The following KIAA1549L variants were observed in gnomAD, a reference collection of about 807,000 sequenced individuals.
The protein encoded by KIAA1549L is KIAA1549 like.
In KIAA1549L, 88 loss-of-function variants were observed where a neutral mutation model predicts 160.7. The ratio of observed to expected loss-of-function variants is 0.55; its 90% confidence interval spans 0.46 to 0.65. The LOEUF (loss-of-function observed/expected upper bound fraction) is 0.65, where lower values mean the gene tolerates loss of function less well. KIAA1549L is among the 30% of genes least tolerant of loss of function. The pLI is 0.00. For missense variants in KIAA1549L, 2,258 were observed against 2,437.5 expected (o/e 0.93, Z 1.55); for synonymous variants, 950 against 976.7 (o/e 0.97, Z 0.51).
intron 1 of KIAA1549L, among the ~76,000 whole-genome samples, chr11:33,489,641 C>A (rs566163138): frequency 6.6e-6 from 1 of 152,188 alleles, no homozygotes; most frequent in Non-Finnish European, 1.5e-5. Flanking sequence ...TCCAAAGGCA[C>A]CCTGGACATC....
chr11:33,436,410 A>G (rs2761195), intron 1 of KIAA1549L, among the ~76,000 whole-genome samples: 25,678 of 152,208 alleles, frequency 0.17, 2,630 homozygotes, highest in East Asian at 0.32. Context: ...AGGCAGTCAG[A>G]GAGAAAGAAG....
chr11:33,666,161 G>A (rs1224193484), intron 20 of KIAA1549L, among the ~76,000 whole-genome samples: 1 of 151,848 alleles, frequency 6.6e-6, no homozygotes, highest in African/African-American at 2.4e-5. Flanking sequence ...CACCCAGGAG[G>A]GCAGGGCTCC....
chr11:33,618,600 G>C lies in KIAA1549L; in HGVS notation c.5347G>C (p.Glu1783Gln). 3 of 1,610,232 alleles carry C rather than the reference G, an allele frequency of 1.9e-6. No individual in the cohort carries two copies. Among genetic ancestry groups the C allele is most frequent in the Non-Finnish European group, 2.5e-6 (3 of 1,177,804 alleles). The change falls in exon 16 of 21, where the codon GAG becomes CAG. Residue 1783 changes from glutamate to glutamine, a missense_variant. Glu to Gln is a conservative substitution (Grantham distance 29). Coordinates refer to ENST00000658780, the MANE Select transcript of KIAA1549L (RefSeq NM_012194.3). Reference protein sequence around the residue: ...SLNSPSPGETEMDLLVTRERP... With the variant: ...SLNSPSPGETQMDLLVTRERP... Reference sequence around the variant, plus strand: ...GAACAGCCCGAGTCCAGGGGAAACCGAGATGGACCTTCTGGTGACTCGGGA... The same window carrying C: ...GAACAGCCCGAGTCCAGGGGAAACCCAGATGGACCTTCTGGTGACTCGGGA...
chr11:33,473,161 C>T (rs540489693), intron 1 of KIAA1549L, among the ~76,000 whole-genome samples: 1 of 152,272 alleles, frequency 6.6e-6, no homozygotes, highest in African/African-American at 2.4e-5. Context: ...TCATGTTAAT[C>T]CATCAAATAG....
chr11:33,594,880 A>G (rs554272295), intron 12 of KIAA1549L, among the ~76,000 whole-genome samples: 16 of 152,362 alleles, frequency 1.1e-4, no homozygotes, highest in Admixed American at 7.2e-4. Flanking sequence ...ACCTACAGCT[A>G]TTATTCTCAT....
At chr11:33,389,422 GTTAAGAAGTCTTTGTT>G (rs1275744567) in intron 1 of KIAA1549L, among the ~76,000 whole-genome samples, 1 of 152,206 alleles carries the variant, frequency 6.6e-6, no homozygotes, top group African/African-American at 2.4e-5. Context: ...TTCATTGTCC[GTTAAGAAGTCTTTGTT>G]TTGAAAAGAA....
chr11:33,497,256 A>G (rs911429859), intron 1 of KIAA1549L, among the ~76,000 whole-genome samples: 2 of 152,224 alleles, frequency 1.3e-5, no homozygotes, highest in African/African-American at 4.8e-5. Flanking sequence ...AGTATTTAAG[A>G]TACTTTCCAG....
chr11:33,601,890 A>G (rs1277597948), intron 13 of KIAA1549L, among the ~76,000 whole-genome samples: 2 of 152,224 alleles, frequency 1.3e-5, no homozygotes, highest in African/African-American at 2.4e-5. Context: ...AGTCTGTTTC[A>G]TAATGATGCT....
At chr11:33,552,694 A>G (rs757417819) in intron 6 of KIAA1549L, among the ~76,000 whole-genome samples, 2,672 of 106,772 alleles carry the variant, frequency 0.025, 44 homozygotes, top group East Asian at 0.055. Context: ...ACACACACAC[A>G]CACACACACA....
intron 12 of KIAA1549L, 29 bp from the exon 13 acceptor site, chr11:33,598,791 G>A (rs1032938865): frequency 5.6e-6 from 9 of 1,612,976 alleles, no homozygotes; most frequent in African/African-American, 4.0e-5. Flanking sequence ...GAAACTTACC[G>A]TCTCCCCTGT....
Position 33,667,253 on chromosome 11 carries a change from A to G in KIAA1549L, c.6160-620A>G, listed in dbSNP as rs890104961. Among the ~76,000 whole-genome samples, 5 of 152,186 alleles carry G rather than the reference A, an allele frequency of 3.3e-5. No individual in the cohort carries two copies. The East Asian group carries it at 7.7e-4, about 23-fold the overall frequency. On this transcript the variant is annotated intron_variant, in intron 20 of 20. Transcript: ENST00000658780. ...GCCAGGTAGATTCAAATATAGACTC[A>G]GATATATATTCCTAAGGTTTTTCAG...
intron 1 of KIAA1549L, among the ~76,000 whole-genome samples, chr11:33,474,614 G>A (rs1456195317): frequency 6.6e-6 from 1 of 152,242 alleles, no homozygotes; most frequent in Non-Finnish European, 1.5e-5. Flanking sequence ...CCTTGGGGAA[G>A]CCCTTTAACT....
chr11:33,606,654 C>G lies in KIAA1549L; in HGVS notation c.4893C>G (p.Asp1631Glu). Reference sequence around the variant, plus strand: ...GTTGTGCTTCAGTGCCAGCGAGTGACGAAGAGGAGGGAGCGGTTCTATTTG... The same window carrying G: ...GTTGTGCTTCAGTGCCAGCGAGTGAGGAAGAGGAGGGAGCGGTTCTATTTG... ...EARKRNVPAS[D>E]EEEGAVLFDN... is the part of the protein sequence containing the mutation. The change falls in exon 14 of 21, where the codon GAC (aspartate) becomes GAG (glutamate). Residue 1631 changes from aspartate to glutamate, a missense_variant. This residue lies in a region of KIAA1549L where 1,359 missense variants were observed against 1,546.6 expected (regional missense o/e 0.88). Coordinates refer to ENST00000658780, the MANE Select transcript of KIAA1549L (RefSeq NM_012194.3). 1 of 1,613,812 alleles carries G rather than the reference C, an allele frequency of 6.2e-7. No individual in the cohort carries two copies. Among genetic ancestry groups the G allele is most frequent in the Non-Finnish European group, 8.5e-7 (1 of 1,179,802 alleles).
intron 17 of KIAA1549L, among the ~76,000 whole-genome samples, chr11:33,650,097 C>T (rs1851843142): frequency 6.6e-6 from 1 of 152,144 alleles, no homozygotes; most frequent in Non-Finnish European, 1.5e-5. Context: ...GTTGACAGAG[C>T]ATGGTCCAGC....
Position 33,482,116 on chromosome 11 carries a change from T to A in KIAA1549L, c.239-59686T>A, listed in dbSNP as rs576107755. 2.6e-5 allele frequency among the ~76,000 whole-genome samples: 4 copies of A among 152,310 alleles called. No homozygotes were observed. In the East Asian group the frequency reaches 7.7e-4, roughly 29 times the overall value. On this transcript the variant is annotated intron_variant, in intron 1 of 20. Coordinates refer to ENST00000658780, the MANE Select transcript of KIAA1549L (RefSeq NM_012194.3). The stretch of plus-strand genomic sequence containing the variant: ...TTTGTATTACTATTTCAAATAGCAT[T>A]TTTTTCCTGGATTTTTTTTCTTTGT...
At chr11:33,516,822 T>C (rs1426161262) in intron 1 of KIAA1549L, among the ~76,000 whole-genome samples, 2 of 152,210 alleles carry the variant, frequency 1.3e-5, no homozygotes, top group Non-Finnish European at 2.9e-5. Context: ...TCCCCAGAAT[T>C]AGACTGGCTC....
intron 17 of KIAA1549L, among the ~76,000 whole-genome samples, chr11:33,649,544 C>T (rs193126952): frequency 1.0e-4 from 15 of 149,482 alleles, no homozygotes; most frequent in African/African-American, 3.4e-4. Context: ...GCAGCAGCAG[C>T]AGCTTACCCA....
At chr11:33,666,851 C>G (rs1207445592) in intron 20 of KIAA1549L, among the ~76,000 whole-genome samples, 1 of 152,206 alleles carries the variant, frequency 6.6e-6, no homozygotes, top group Admixed American at 6.5e-5. Context: ...GACCGTGGCA[C>G]TCTTCAGTTT....
intron 1 of KIAA1549L, among the ~76,000 whole-genome samples, chr11:33,452,614 A>AT (rs2132976985): frequency 6.6e-6 from 1 of 151,692 alleles, no homozygotes; most frequent in African/African-American, 2.4e-5. Flanking sequence ...TCTCAAATAA[A>AT]TATGTATGTA....
Sources: gnomAD v4.1 joint callset for allele counts (sites outside exome capture counted in the v4.1 genomes callset) on GRCh38, gnomAD v4.1.1 for gene constraint, gnomAD v4.1.1 regional missense constraint, MANE v1.5 for transcripts, NCBI Gene and HGNC (gene_info 2026-07-23, HGNC 2026-07-21) for gene names.